The following ABCB1 variants were observed in gnomAD, a reference collection of about 807,000 sequenced individuals.
The protein encoded by ABCB1 is ATP-dependent translocase ABCB1.
ABCB1 carries 69 observed loss-of-function variants against 142.0 expected under a neutral mutation model. The ratio of observed to expected loss-of-function variants is 0.49; its 90% CI spans 0.40 to 0.59. The LOEUF is 0.59. ABCB1 is among the 20% of genes least tolerant of loss of function. The pLI is 0.00. For missense variants in ABCB1, 1,326 were observed against 1,554.7 expected, an observed-to-expected ratio of 0.85 and a Z score of 2.47; for synonymous variants, 532 against 539.2, an observed-to-expected ratio of 0.99 and a Z score of 0.18.
intron 2 of ABCB1, among the ~76,000 whole-genome samples, chr7:87,599,092 A>G (rs897529641): frequency 6.6e-6 from 1 of 152,206 alleles, no homozygotes; most frequent in Non-Finnish European, 1.5e-5. Flanking sequence ...TTTGATTTCC[A>G]CATTTGTATT....
chr7:87,532,960 G>A (rs1816123533), intron 20 of ABCB1, among the ~76,000 whole-genome samples: 1 of 152,050 alleles, frequency 6.6e-6, no homozygotes, highest in East Asian at 1.9e-4. Flanking sequence ...TAGTATTTAG[G>A]AAAAGAGTGC....
At chr7:87,531,691 G>T in intron 20 of ABCB1, 194 bp from the exon 21 acceptor site, 1 of 583,784 alleles carries the variant, frequency 1.7e-6, no homozygotes, top group Non-Finnish European at 3.0e-6. Flanking sequence ...GCTGAAAGTA[G>T]AATATCAACA....
intron 1 of ABCB1, among the ~76,000 whole-genome samples, chr7:87,666,372 A>G (rs970950330): frequency 1.3e-5 from 2 of 151,978 alleles, no homozygotes; most frequent in South Asian, 2.1e-4. Context: ...TAAGTTCCTT[A>G]TAGATGCTGG....
At chr7:87,527,132 C>A (rs943606746) in intron 21 of ABCB1, among the ~76,000 whole-genome samples, 2 of 152,146 alleles carry the variant, frequency 1.3e-5, no homozygotes, top group African/African-American at 4.8e-5. Context: ...CTCCTGCTAT[C>A]TTGACATTTT....
chr7:87,668,233 G>A (rs1319223370), intron 1 of ABCB1, among the ~76,000 whole-genome samples: 1 of 151,932 alleles, frequency 6.6e-6, no homozygotes, highest in Non-Finnish European at 1.5e-5. Flanking sequence ...ATACGTCCAG[G>A]AATTTACTCA....
chr7:87,628,200 G>T (rs1301889752), intron 1 of ABCB1, among the ~76,000 whole-genome samples: 1 of 152,130 alleles, frequency 6.6e-6, no homozygotes, highest in East Asian at 1.9e-4. Context: ...GGCTACTGGC[G>T]GCAGCTAGCG....
chr7:87,544,094 C>A (rs1429824492), intron 17 of ABCB1, 35 bp downstream of exon 17: 2 of 1,610,344 alleles, frequency 1.2e-6, no homozygotes, highest in Admixed American at 1.7e-5. Flanking sequence ...CATCAGGATT[C>A]ACAAGTAAAT....
At chr7:87,654,217 A>C (rs972438601) in intron 1 of ABCB1, among the ~76,000 whole-genome samples, 1 of 152,086 alleles carries the variant, frequency 6.6e-6, no homozygotes, top group African/African-American at 2.4e-5. Context: ...CATTTTTCAC[A>C]GAAATAAAAA....
intron 1 of ABCB1, among the ~76,000 whole-genome samples, chr7:87,607,088 G>A (rs1819681429): frequency 6.6e-6 from 1 of 152,166 alleles, no homozygotes; most frequent in Non-Finnish European, 1.5e-5. Context: ...TAGAGATAGA[G>A]ATTCTCCTTA....
At chr7:87,640,146 A>G (rs1451225601) in intron 1 of ABCB1, among the ~76,000 whole-genome samples, 1 of 149,848 alleles carries the variant, frequency 6.7e-6, no homozygotes, top group Non-Finnish European at 1.5e-5. Context: ...ATAGTGTTAG[A>G]ACCATTTATT....
upstream of ABCB1, among the ~76,000 whole-genome samples, chr7:87,605,096 G>A (rs537591528): frequency 1.3e-5 from 2 of 152,258 alleles, no homozygotes; most frequent in African/African-American, 2.4e-5. Flanking sequence ...TATCATTAGC[G>A]TGCCTTCAAA....
intron 21 of ABCB1, among the ~76,000 whole-genome samples, chr7:87,523,171 G>A (rs1004006142): frequency 1.3e-5 from 2 of 152,106 alleles, no homozygotes; most frequent in Non-Finnish European, 2.9e-5. Flanking sequence ...CAATTCACAG[G>A]TGTGATCATC....
rs191296606 is a variant in ABCB1 at position 87,689,997 on chromosome 7, T to A, written c.-331+23164A>T. Among the ~76,000 whole-genome samples, 754 of 152,150 alleles carry A rather than the reference T, an allele frequency of 5.0e-3. 4 individuals are homozygous for A. The highest frequency in any genetic ancestry group is 0.017 in the African/African-American group (704 of 41,516). The stretch of plus-strand genomic sequence containing the variant: ...GCTGTCATAGATTTTTTTTTAAAAA[T>A]TTTTAAATTTTTTATAGAGACAGAG... On this transcript the variant is annotated intron_variant, in intron 1 of 28. Coordinates refer to the ABCB1 transcript ENST00000265724.
intron 1 of ABCB1, among the ~76,000 whole-genome samples, chr7:87,641,942 T>C (rs1822500964): frequency 6.6e-6 from 1 of 152,134 alleles, no homozygotes; most frequent in Non-Finnish European, 1.5e-5. Flanking sequence ...TCAAAATTAA[T>C]ATTAATAACA....
Position 87,549,436 on chromosome 7 carries a change from A to G in ABCB1, c.1637T>C (p.Val546Ala), listed in dbSNP as rs1816947424. 6.2e-7 allele frequency: 1 copy of G among 1,614,196 alleles called. No individual in the cohort carries two copies. The highest frequency in any genetic ancestry group is 2.2e-5 in the East Asian group (1 of 44,884). Residue 546 changes from valine (V) to alanine (A), a missense_variant, in exon 14 of 28, where the codon GTT becomes GCT. Physicochemically the swap from Val to Ala is moderately conservative, Grantham distance 64. Coordinates refer to ENST00000622132, the MANE Select transcript of ABCB1 (RefSeq NM_001348946.2). Reference protein sequence around the residue: ...KQRIAIARALVRNPKILLLDE... With the variant: ...KQRIAIARALARNPKILLLDE... ...CAGCAGGAGGATCTTGGGGTTGCGA[A>G]CCAGGGCACGTGCAATGGCGATCCT... is the stretch of plus-strand genomic sequence containing the variant.
chr7:87,672,466 T>C (rs1194960184), intron 1 of ABCB1, among the ~76,000 whole-genome samples: 2 of 152,124 alleles, frequency 1.3e-5, no homozygotes, highest in Admixed American at 6.5e-5. Context: ...GTGGGTCTTA[T>C]CTTGTGGGGT....
At chr7:87,566,685 G>T in intron 6 of ABCB1, 100 bp downstream of exon 6, 1 of 1,210,560 alleles carries the variant, frequency 8.3e-7, no homozygotes, top group Non-Finnish European at 1.2e-6. Context: ...AAGTACCTTT[G>T]AATGATACAT....
At chr7:87,682,973 T>C (rs898015970) in intron 1 of ABCB1, among the ~76,000 whole-genome samples, 8 of 152,252 alleles carry the variant, frequency 5.3e-5, no homozygotes, top group Non-Finnish European at 1.2e-4. Context: ...GTAGCCACCT[T>C]CATCAGTTAT....
intron 1 of ABCB1, among the ~76,000 whole-genome samples, chr7:87,658,005 T>C (rs915494487): frequency 3.3e-5 from 5 of 152,152 alleles, no homozygotes; most frequent in African/African-American, 1.2e-4. Context: ...CAGCTTTCCA[T>C]TGAAACCATT....
Sources: allele counts gnomAD v4.1 joint callset (sites outside exome capture counted in the v4.1 genomes callset), GRCh38; gene constraint gnomAD v4.1.1; transcripts MANE v1.5; gene names NCBI Gene and HGNC (gene_info 2026-07-23, HGNC 2026-07-21).